The following RPS6KA2 variants were observed in gnomAD, a reference collection of about 807,000 sequenced individuals.
RPS6KA2 encodes ribosomal protein S6 kinase alpha-2.
A neutral mutation model predicts 91.8 loss-of-function variants in RPS6KA2; 42 were observed. The observed-to-expected ratio is 0.46, with a 90% CI of 0.36 to 0.59. The LOEUF (loss-of-function observed/expected upper bound fraction) is 0.59. Ranked by LOEUF, RPS6KA2 falls within the 20% of genes least tolerant of loss-of-function variation. The pLI, the probability that RPS6KA2 is intolerant of heterozygous loss-of-function variation, is 0.00. For synonymous variants in RPS6KA2, 414 were observed against 393.6 expected, an observed-to-expected ratio of 1.05 and a Z score of -0.61; for missense variants, 798 against 978.5, an observed-to-expected ratio of 0.82 and a Z score of 2.46.
intron 11 of RPS6KA2, chr6:166,463,182 G>A (rs3817791): frequency 0.32 from 48,337 of 152,152 alleles, 7,780 homozygotes; most frequent in Admixed American, 0.42. Flanking sequence ...TGTTATTACT[G>A]TGTATGCTTT....
intron 1 of RPS6KA2, among the ~76,000 whole-genome samples, chr6:166,624,598 ATGTCTCG>A (rs1286252424): frequency 2.0e-5 from 3 of 152,178 alleles, no homozygotes; most frequent in Non-Finnish European, 2.9e-5. Flanking sequence ...CAGGACTTCT[ATGTCTCG>A]TGTCTTTTTG....
intron 10 of RPS6KA2, among the ~76,000 whole-genome samples, chr6:166,474,655 C>T (rs1780896594): frequency 6.6e-6 from 1 of 152,134 alleles, no homozygotes; most frequent in African/African-American, 2.4e-5. Flanking sequence ...AACACTGGTG[C>T]TGAAAACCCC....
At chr6:166,531,798 G>C (rs1426283165) in intron 2 of RPS6KA2, among the ~76,000 whole-genome samples, 1 of 152,156 alleles carries the variant, frequency 6.6e-6, no homozygotes, top group Non-Finnish European at 1.5e-5. Flanking sequence ...AGTAGCTTAA[G>C]AGTTCCTTTC....
intron 2 of RPS6KA2, among the ~76,000 whole-genome samples, chr6:166,658,289 T>C (rs1481863392): frequency 6.6e-6 from 1 of 152,148 alleles, no homozygotes; most frequent in Non-Finnish European, 1.5e-5. Context: ...CATCCGTGAC[T>C]ATGCTGAACG....
intron 2 of RPS6KA2, among the ~76,000 whole-genome samples, chr6:166,796,143 A>T (rs1562444342): frequency 6.6e-6 from 1 of 152,180 alleles, no homozygotes; most frequent in Non-Finnish European, 1.5e-5. Flanking sequence ...CCTCGGGGAG[A>T]CTTCTATTCC....
intron 2 of RPS6KA2, among the ~76,000 whole-genome samples, chr6:166,749,638 GGCCCCCATCCCCTTGA>G (rs1393688165): frequency 5.2e-4 from 1 of 1,926 alleles, no homozygotes; most frequent in Non-Finnish European, 1.0e-3. Context: ...CACCTCCTCA[GGCCCCCATCCCCTTGA>G]GCCCCCACCT....
chr6:166,704,727 G>A (rs1325293177), intron 2 of RPS6KA2, among the ~76,000 whole-genome samples: 1 of 152,194 alleles, frequency 6.6e-6, no homozygotes, highest in African/African-American at 2.4e-5. Flanking sequence ...AACTCTCCTC[G>A]CTGGCGTCAC....
In RPS6KA2 at chr6:166,448,679, G is replaced by T. The variant is rs757005918; in HGVS notation, c.1332+45C>A. The T allele has an allele frequency of 1.9e-6, 3 of 1,575,192 alleles. No individual in the cohort carries two copies. The highest frequency in any genetic ancestry group is 1.3e-5 in the African/African-American group (1 of 74,342). On this transcript the variant is annotated intron_variant, in intron 14 of 20. Coordinates refer to ENST00000265678, the MANE Select transcript of RPS6KA2 (RefSeq NM_021135.6). This position sits in a 1 kb window ranked among gnomAD's most constrained non-coding sequence, Gnocchi z 4.7. ...CCACATACCACACGTGCTCCCACGC[G>T]CTGCACTCACACAGGGCCCTGCTCA...
rs563504803 is a variant in RPS6KA2 at position 166,557,259 on chromosome 6, G to A, written c.100-18475C>T. On this transcript the variant is annotated intron_variant, in intron 1 of 20. Transcript: ENST00000265678. This position sits in a 1 kb window ranked among gnomAD's most constrained non-coding sequence, Gnocchi z 4.8. The stretch of plus-strand genomic sequence containing the variant: ...GAGTGCGCAGAGGGTAGCTCCTGCC[G>A]GGGTGAGGACCGTGGGCGCGGAGCA... 7.9e-5 allele frequency among the ~76,000 whole-genome samples: 12 copies of A among 152,346 alleles called. No individual in the cohort carries two copies. In the East Asian group the frequency reaches 1.3e-3, roughly 17 times the overall value.
chr6:166,464,836 G>A lies in RPS6KA2; in HGVS notation c.972+5005C>T, dbSNP rs149787248. Among the ~76,000 whole-genome samples the A allele has an allele frequency of 6.1e-3, 935 of 152,226 alleles. 7 individuals are homozygous for A. The highest frequency in any genetic ancestry group is 0.021 in the African/African-American group (878 of 41,534). On this transcript the variant is annotated intron_variant, in intron 11 of 20. Coordinates refer to ENST00000265678, the MANE Select transcript of RPS6KA2 (RefSeq NM_021135.6). ...CTGGCCTTCAGAAGGAATGGCTCCC[G>A]TGCAGACGTTCACTCGCTCATCTCT...
chr6:166,467,286 T>G (rs1405234966), intron 11 of RPS6KA2, among the ~76,000 whole-genome samples: 21 of 151,852 alleles, frequency 1.4e-4, no homozygotes, highest in Non-Finnish European at 3.1e-4. Context: ...AAGTGCCTCC[T>G]TTGAGCCAGG....
intron 2 of RPS6KA2, among the ~76,000 whole-genome samples, chr6:166,802,932 ATGTGTG>A (rs71804902): frequency 2.7e-5 from 4 of 146,800 alleles, no homozygotes; most frequent in Admixed American, 2.0e-4. Context: ...ATGTATGTAT[ATGTGTG>A]TGTGTGTATA....
intron 2 of RPS6KA2, among the ~76,000 whole-genome samples, chr6:166,698,870 T>G (rs918610946): frequency 1.3e-5 from 2 of 152,152 alleles, no homozygotes; most frequent in Non-Finnish European, 2.9e-5. Flanking sequence ...ATTTTGTCAA[T>G]TAGAAGTGAT....
At chr6:166,548,737 A>C (rs1055447924) in intron 1 of RPS6KA2, among the ~76,000 whole-genome samples, 2 of 152,256 alleles carry the variant, frequency 1.3e-5, no homozygotes, top group Non-Finnish European at 2.9e-5. Context: ...AACTTCTAGA[A>C]GAAAACATAG....
At chr6:166,860,593 C>T (rs1583187114) in intron 1 of RPS6KA2, among the ~76,000 whole-genome samples, 1 of 152,272 alleles carries the variant, frequency 6.6e-6, no homozygotes, top group South Asian at 2.1e-4. Flanking sequence ...ATTGTAAAGC[C>T]CCTGGCCCCC....
chr6:166,568,311 T>A (rs1267959734), intron 1 of RPS6KA2, among the ~76,000 whole-genome samples: 4 of 152,104 alleles, frequency 2.6e-5, no homozygotes, highest in African/African-American at 9.7e-5. Flanking sequence ...AAAAGAAAAT[T>A]GAATCCAAAA....
rs953869014 is a variant in RPS6KA2, at chr6:166,852,515, G to A, written c.123+5685C>T. On this transcript the variant is annotated intron_variant, in intron 2 of 21. Coordinates refer to the RPS6KA2 transcript ENST00000503859. The surrounding 1 kb of genome is among the most constrained non-coding windows in gnomAD (Gnocchi z 4.1). ...CGTGGCCGCACAGGCGGTTTAGCCTGTCCCGGGCCATATCCTGCTGGAGCT... is the reference window on the plus strand; with the variant it reads ...CGTGGCCGCACAGGCGGTTTAGCCTATCCCGGGCCATATCCTGCTGGAGCT... Among the ~76,000 whole-genome samples the A allele has an allele frequency of 2.0e-5, 3 of 152,210 alleles. No homozygotes were observed. The highest frequency in any genetic ancestry group is 2.0e-4 in the Admixed American group (3 of 15,288).
chr6:166,757,176 G>A (rs747816868), intron 2 of RPS6KA2, among the ~76,000 whole-genome samples: 12 of 152,132 alleles, frequency 7.9e-5, no homozygotes, highest in South Asian at 2.1e-4. Context: ...AAAAATAAAC[G>A]TCAGCTTTGT....
chr6:166,745,308 T>C (rs369230683), intron 2 of RPS6KA2, among the ~76,000 whole-genome samples: 126 of 152,230 alleles, frequency 8.3e-4, no homozygotes, highest in Middle Eastern at 3.4e-3. Context: ...TGTGCCACCA[T>C]GCCTGGCTAA....
Sources: gnomAD v4.1 joint callset for allele counts (sites outside exome capture counted in the v4.1 genomes callset) on GRCh38, gnomAD v4.1.1 for gene constraint, Gnocchi (gnomAD v3.1) non-coding constraint, MANE v1.5 for transcripts, NCBI Gene and HGNC (gene_info 2026-07-23, HGNC 2026-07-21) for gene names.